ARHGAP32: variants seen among roughly 807,000 people sequenced by gnomAD.
The protein encoded by ARHGAP32 is Rho GTPase activating protein 32, also known as rho GTPase-activating protein 32.
ARHGAP32 carries 51 observed loss-of-function variants against 186.5 expected under a neutral mutation model. The ratio of observed to expected loss-of-function variants is 0.27; its 90% confidence interval spans 0.22 to 0.35. The LOEUF (loss-of-function observed/expected upper bound fraction) is 0.35. ARHGAP32 is among the 10% of genes least tolerant of loss of function. The pLI, the probability that ARHGAP32 is intolerant of heterozygous loss-of-function variation, is 1.00. For synonymous variants in ARHGAP32, 950 were observed against 964.3 expected, an observed-to-expected ratio of 0.99 and a Z score of 0.27; for missense variants, 2,186 against 2,623.5, an observed-to-expected ratio of 0.83 and a Z score of 3.64.
intron 10 of ARHGAP32, among the ~76,000 whole-genome samples, chr11:129,060,804 T>A (rs530374047): frequency 2.2e-5 from 3 of 136,168 alleles, no homozygotes; most frequent in Non-Finnish European, 5.0e-5. Context: ...TCAACACTTA[T>A]TGATTAAAAA....
At chr11:129,205,215 A>T (rs143341900) in intron 1 of ARHGAP32, among the ~76,000 whole-genome samples, 1 of 152,144 alleles carries the variant, frequency 6.6e-6, no homozygotes, top group African/African-American at 2.4e-5. Context: ...TTTTTATGTT[A>T]TATTTTCAAA....
At chr11:129,129,565 T>A (rs1244758295) in intron 2 of ARHGAP32, among the ~76,000 whole-genome samples, 1 of 152,220 alleles carries the variant, frequency 6.6e-6, no homozygotes, top group Non-Finnish European at 1.5e-5. Flanking sequence ...CGGGCCATGA[T>A]GACGACGGCG....
At chr11:129,143,331 A>G (rs573491487) in intron 2 of ARHGAP32, among the ~76,000 whole-genome samples, 36 of 152,258 alleles carry the variant, frequency 2.4e-4, no homozygotes, top group African/African-American at 8.7e-4. Flanking sequence ...TCACAGTTTC[A>G]GTTACCCATG....
intron 1 of ARHGAP32, among the ~76,000 whole-genome samples, chr11:129,217,276 T>A (rs1424863358): frequency 6.6e-6 from 1 of 152,152 alleles, no homozygotes; most frequent in African/African-American, 2.4e-5. Context: ...TAGCTATTGT[T>A]ATAAGTAATC....
chr11:129,170,180 T>G (rs948230372), intron 1 of ARHGAP32, among the ~76,000 whole-genome samples: 9 of 150,168 alleles, frequency 6.0e-5, no homozygotes, highest in African/African-American at 2.2e-4. Context: ...GGGAAATATA[T>G]ATATATAATT....
At chr11:129,148,106 C>T (rs1460048101) in intron 2 of ARHGAP32, among the ~76,000 whole-genome samples, 2 of 152,198 alleles carry the variant, frequency 1.3e-5, no homozygotes, top group African/African-American at 4.8e-5. Context: ...GCAGACAATG[C>T]TAACGTGTAG....
rs201172563 is a variant in ARHGAP32, at chr11:129,065,187, ACT to A, written c.670-256_670-255del. Among the ~76,000 whole-genome samples the A allele has an allele frequency of 9.9e-3, 1,508 of 152,204 alleles. 10 individuals carry two copies. The highest frequency in any genetic ancestry group is 0.015 in the Non-Finnish European group (1,029 of 68,002). On this transcript the variant is annotated intron_variant, in intron 7 of 22. Coordinates refer to ENST00000682385, the MANE Select transcript of ARHGAP32 (RefSeq NM_001378024.1). ...CTATTCCATGGTTTCTAATTTTGAC[ACT>A]TTCTATTTTTGTACTGAATATGCAA...
intron 11 of ARHGAP32, among the ~76,000 whole-genome samples, chr11:129,017,797 T>C (rs1327757725): frequency 1.3e-5 from 2 of 152,182 alleles, no homozygotes; most frequent in Non-Finnish European, 2.9e-5. Context: ...ATTTCTTATG[T>C]TTCACCATTA....
At chr11:129,016,616 C>T (rs184882366) in intron 11 of ARHGAP32, among the ~76,000 whole-genome samples, 9 of 152,326 alleles carry the variant, frequency 5.9e-5, no homozygotes, top group African/African-American at 2.2e-4. Context: ...CAATACCTCA[C>T]TTTCTTAATT....
chr11:129,026,623 G>A (rs1024184736), intron 11 of ARHGAP32, among the ~76,000 whole-genome samples: 4 of 151,430 alleles, frequency 2.6e-5, no homozygotes, highest in Admixed American at 1.3e-4. Flanking sequence ...GTGAAACCCT[G>A]TCTCTACTAA....
chr11:129,184,991 C>T (rs1042265852), intron 1 of ARHGAP32, among the ~76,000 whole-genome samples: 1 of 151,996 alleles, frequency 6.6e-6, no homozygotes, highest in Non-Finnish European at 1.5e-5. Flanking sequence ...TAAACAATGA[C>T]ACACTGTTGG....
Position 128,986,659 on chromosome 11 carries a change from A to G in ARHGAP32, c.1308T>C (p.Phe436=), listed in dbSNP as rs1178440176. 7 of 1,613,806 alleles carry G rather than the reference A, an allele frequency of 4.3e-6. No homozygotes were observed. The highest frequency in any genetic ancestry group is 5.9e-6 in the Non-Finnish European group (7 of 1,179,866). ...TCAGGTCGGGGACGTGCTCAGAGTC[A>G]AATTCATGGCTGACGTAGACAGAAG... ...ASNIQRLRHE[F]DSEHVPDLTK... Residue 436 remains phenylalanine (F), a synonymous_variant, in exon 14 of 23, where the codon TTT becomes TTC. Coordinates refer to ENST00000682385, the MANE Select transcript of ARHGAP32 (RefSeq NM_001378024.1).
intron 10 of ARHGAP32, among the ~76,000 whole-genome samples, chr11:129,050,833 T>C (rs1940012394): frequency 6.6e-6 from 1 of 152,156 alleles, no homozygotes; most frequent in African/African-American, 2.4e-5. Flanking sequence ...GATGCTCCCA[T>C]CCCTGTGTCC....
chr11:129,063,898 T>C lies in ARHGAP32; in HGVS notation c.885+4A>G. The C allele has an allele frequency of 6.2e-7, 1 of 1,600,642 alleles. No individual in the cohort carries two copies. On this transcript the variant is annotated splice_donor_region_variant and intron_variant, in intron 9 of 22. Coordinates refer to ENST00000682385, the MANE Select transcript of ARHGAP32 (RefSeq NM_001378024.1). The stretch of plus-strand genomic sequence containing the variant: ...AATAACAAACAACCACTTTAACTAT[T>C]TACCTCTAAGGTCAGTTCGTCAGGG...
chr11:129,199,174 A>C (rs1944428987), intron 1 of ARHGAP32, among the ~76,000 whole-genome samples: 1 of 152,252 alleles, frequency 6.6e-6, no homozygotes, highest in East Asian at 1.9e-4. Flanking sequence ...TAAGGGAAAC[A>C]GAGAATAAAA....
chr11:129,179,262 T>C (rs552399693), intron 1 of ARHGAP32, among the ~76,000 whole-genome samples: 1 of 152,276 alleles, frequency 6.6e-6, no homozygotes, highest in Non-Finnish European at 1.5e-5. Flanking sequence ...TCACACCAGT[T>C]AGAATGGCAA....
intron 2 of ARHGAP32, among the ~76,000 whole-genome samples, chr11:129,125,294 C>T (rs1195575395): frequency 6.6e-6 from 1 of 151,982 alleles, no homozygotes; most frequent in Non-Finnish European, 1.5e-5. Flanking sequence ...GTATTTCTCA[C>T]ACCAAAATCT....
At chr11:129,194,957 G>C (rs910887916), upstream of ARHGAP32, among the ~76,000 whole-genome samples, 1 of 142,382 alleles carries the variant, frequency 7.0e-6, no homozygotes. Context: ...GTGGGGGGGG[G>C]GGTTGTTTTG....
At chr11:129,181,318 G>A (rs540025737) in intron 1 of ARHGAP32, among the ~76,000 whole-genome samples, 5 of 152,146 alleles carry the variant, frequency 3.3e-5, no homozygotes, top group African/African-American at 1.2e-4. Context: ...GTCAATTTTT[G>A]TCTGTCTGTG....
Sources: allele counts gnomAD v4.1 joint callset (sites outside exome capture counted in the v4.1 genomes callset), GRCh38; gene constraint gnomAD v4.1.1; transcripts MANE v1.5; gene names NCBI Gene and HGNC (gene_info 2026-07-23, HGNC 2026-07-21).